Variants in MSRA observed in about 807,000 individuals in gnomAD.
MSRA encodes methionine sulfoxide reductase A.
Under a neutral mutation model 31.3 loss-of-function variants are expected in MSRA, and 54 were observed. The observed-to-expected ratio is 1.73, with a 90% CI of 1.39 to 2.17. The LOEUF (loss-of-function observed/expected upper bound fraction) is 2.17, where lower values mean the gene tolerates loss of function less well. Among genes scored for constraint, MSRA ranks in the 30% most tolerant of loss-of-function variants. The probability of loss-of-function intolerance (pLI) is 0.00; values close to 1 mark genes in which losing one functional copy is unlikely to be tolerated. For synonymous variants in MSRA, 169 were observed against 116.5 expected (o/e 1.45, Z -2.90); for missense variants, 507 against 300.9 (o/e 1.69, Z -5.07).
intron 3 of MSRA, among the ~76,000 whole-genome samples, chr8:10,293,808 G>T (rs1437966844): frequency 6.6e-6 from 1 of 152,044 alleles, no homozygotes; most frequent in African/African-American, 2.4e-5. Flanking sequence ...CTGATGACTG[G>T]GGCAGCAGGT....
At chr8:10,147,817 G>C (rs760241079) in intron 1 of MSRA, among the ~76,000 whole-genome samples, 1 of 152,200 alleles carries the variant, frequency 6.6e-6, no homozygotes, top group Admixed American at 6.5e-5. Flanking sequence ...ACAGGTCACC[G>C]TTTCTCTGGA....
chr8:10,134,326 C>T (rs1802108315), intron 1 of MSRA, among the ~76,000 whole-genome samples: 1 of 152,212 alleles, frequency 6.6e-6, no homozygotes, highest in African/African-American at 2.4e-5. Flanking sequence ...TGGGTGTTTA[C>T]CGTTTGGAAA....
chr8:10,095,059 C>T (rs1585133405), intron 1 of MSRA, among the ~76,000 whole-genome samples: 6 of 152,336 alleles, frequency 3.9e-5, no homozygotes, highest in African/African-American at 1.4e-4. Context: ...TAAAGCATGA[C>T]ATTTCTGGGC....
At chr8:10,404,485 G>A (rs529892825) in intron 5 of MSRA, among the ~76,000 whole-genome samples, 8 of 152,364 alleles carry the variant, frequency 5.3e-5, no homozygotes, top group African/African-American at 1.9e-4. Flanking sequence ...AAAGTGAACA[G>A]TTGGCATTCC....
intron 3 of MSRA, among the ~76,000 whole-genome samples, chr8:10,259,735 G>C (rs891362183): frequency 3.3e-5 from 5 of 152,204 alleles, no homozygotes; most frequent in African/African-American, 1.2e-4. Flanking sequence ...CCAGGCGTGT[G>C]GGGGAGAGAT....
At chr8:10,425,209 A>T (rs1050735238) in intron 5 of MSRA, among the ~76,000 whole-genome samples, 7 of 152,172 alleles carry the variant, frequency 4.6e-5, no homozygotes, top group African/African-American at 1.7e-4. Context: ...CGCTCATCGC[A>T]GGCCGGTGGC....
intron 5 of MSRA, among the ~76,000 whole-genome samples, chr8:10,346,101 C>T (rs1335728289): frequency 6.6e-6 from 1 of 152,130 alleles, no homozygotes. Flanking sequence ...TGCAGTGTTC[C>T]AAATTTACAA....
chr8:10,352,599 C>T (rs1272556823), intron 5 of MSRA, among the ~76,000 whole-genome samples: 1 of 151,998 alleles, frequency 6.6e-6, no homozygotes, highest in Non-Finnish European at 1.5e-5. Flanking sequence ...TTAACGCTTT[C>T]CTGAAGTGCC....
chr8:10,305,693 A>T (rs1405929657), intron 4 of MSRA, among the ~76,000 whole-genome samples: 25 of 152,182 alleles, frequency 1.6e-4, no homozygotes, highest in Admixed American at 1.5e-3. Context: ...ATTACAGGCC[A>T]CAAGGCATGA....
intron 5 of MSRA, among the ~76,000 whole-genome samples, chr8:10,390,979 GAA>G (rs58263674): frequency 7.2e-6 from 1 of 138,658 alleles, no homozygotes; most frequent in Admixed American, 7.1e-5. Flanking sequence ...TGTCTCAAAA[GAA>G]AAAAAAAAAA....
chr8:10,304,732 G>T (rs577605843), intron 4 of MSRA, among the ~76,000 whole-genome samples: 18 of 152,288 alleles, frequency 1.2e-4, no homozygotes, highest in Non-Finnish European at 2.1e-4. Flanking sequence ...CACAGTAAAA[G>T]TTGGTCTTGA....
intron 5 of MSRA, among the ~76,000 whole-genome samples, chr8:10,368,282 C>T (rs893065233): frequency 1.3e-5 from 2 of 152,206 alleles, no homozygotes; most frequent in Non-Finnish European, 2.9e-5. Flanking sequence ...TAAGGCCTCC[C>T]CCTGCCCAGC....
intron 1 of MSRA, among the ~76,000 whole-genome samples, chr8:10,097,894 C>G (rs1253723954): frequency 6.6e-6 from 1 of 152,066 alleles, no homozygotes; most frequent in African/African-American, 2.4e-5. Flanking sequence ...TAAATACTAG[C>G]TATTATAGTC....
intron 5 of MSRA, among the ~76,000 whole-genome samples, chr8:10,417,644 T>C (rs760624176): frequency 6.6e-6 from 1 of 151,150 alleles, no homozygotes; most frequent in Non-Finnish European, 1.5e-5. Context: ...ATCCCAGTCA[T>C]TTCACATTTT....
rs187817824 is a variant in MSRA at position 10,326,077 on chromosome 8, C to T, written c.543+6088C>T. ...GTGTTTCTGGCCCCATCACTACATTCGGGACATTTGTCTTCTTTGAGCGCT... is the reference window on the plus strand; with the variant it reads ...GTGTTTCTGGCCCCATCACTACATTTGGGACATTTGTCTTCTTTGAGCGCT... On this transcript the variant is annotated intron_variant, in intron 5 of 5. Transcript: ENST00000317173. Among the ~76,000 whole-genome samples the T allele has an allele frequency of 7.9e-5, 12 of 152,304 alleles. No homozygotes were observed. The East Asian group carries it at 9.6e-4, about 12-fold the overall frequency.
intron 1 of MSRA, among the ~76,000 whole-genome samples, chr8:10,104,324 T>A (rs1401018299): frequency 1.3e-5 from 2 of 152,212 alleles, no homozygotes; most frequent in African/African-American, 4.8e-5. Flanking sequence ...AGAAAGTTTA[T>A]TTTGCCAAGG....
At chr8:10,213,580 G>A (rs1364778849) in intron 2 of MSRA, among the ~76,000 whole-genome samples, 1 of 151,804 alleles carries the variant, frequency 6.6e-6, no homozygotes, top group Non-Finnish European at 1.5e-5. Flanking sequence ...GGGATGACAG[G>A]TGCGTGCCAA....
At chr8:10,274,845 A>G (rs1799238119) in intron 3 of MSRA, among the ~76,000 whole-genome samples, 1 of 152,080 alleles carries the variant, frequency 6.6e-6, no homozygotes, top group South Asian at 2.1e-4. Context: ...CTGTTCAACC[A>G]AGCAACCATC....
intron 1 of MSRA, among the ~76,000 whole-genome samples, chr8:10,139,658 G>A (rs1049569347): frequency 6.6e-6 from 1 of 152,180 alleles, no homozygotes; most frequent in Non-Finnish European, 1.5e-5. Flanking sequence ...TAAGATAATG[G>A]CCACCAGTTC....
Sources: gnomAD v4.1 joint callset for allele counts (sites outside exome capture counted in the v4.1 genomes callset) on GRCh38, gnomAD v4.1.1 for gene constraint, MANE v1.5 for transcripts, NCBI Gene and HGNC (gene_info 2026-07-23, HGNC 2026-07-21) for gene names.